The following ANKRD11 variants were observed in gnomAD, a reference collection of about 807,000 sequenced individuals.
ANKRD11 encodes the protein ankyrin repeat domain 11.
Under a neutral mutation model 195.7 loss-of-function variants are expected in ANKRD11, and 17 were observed. The ratio of observed to expected loss-of-function variants is 0.09; its 90% CI spans 0.06 to 0.13. The LOEUF is 0.13. Ranked by LOEUF, ANKRD11 falls within the 10% of genes least tolerant of loss-of-function variation. ANKRD11 has a pLI of 1.00. For missense variants in ANKRD11, 3,735 were observed against 3,566.1 expected, an observed-to-expected ratio of 1.05 and a Z score of -1.21; for synonymous variants, 1,953 against 1,528.1, an observed-to-expected ratio of 1.28 and a Z score of -6.49.
intron 1 of ANKRD11, among the ~76,000 whole-genome samples, chr16:89,449,023 C>A (rs1359157981): frequency 1.3e-5 from 2 of 152,062 alleles, no homozygotes; most frequent in African/African-American, 4.8e-5. Flanking sequence ...CTTCAAATCA[C>A]ACATGAAAAA....
intron 4 of ANKRD11, among the ~76,000 whole-genome samples, chr16:89,298,622 G>A (rs1390427354): frequency 6.6e-6 from 1 of 152,218 alleles, no homozygotes; most frequent in Non-Finnish European, 1.5e-5. Context: ...AAATCGCTGA[G>A]CCTCGGGTGG....
At chr16:89,459,673 T>C (rs760117005) in intron 1 of ANKRD11, among the ~76,000 whole-genome samples, 1 of 152,046 alleles carries the variant, frequency 6.6e-6, no homozygotes, top group Non-Finnish European at 1.5e-5. Context: ...TTTAAAAAAA[T>C]AAAATTCAGG....
intron 2 of ANKRD11, among the ~76,000 whole-genome samples, chr16:89,333,083 G>A (rs894986822): frequency 1.3e-5 from 2 of 152,194 alleles, no homozygotes; most frequent in South Asian, 2.1e-4. Flanking sequence ...GCAGAAAAAC[G>A]CCTGCCCCCT....
chr16:89,271,167 T>C (rs968965501), intron 11 of ANKRD11: 4 of 522,386 alleles, frequency 7.7e-6, no homozygotes, highest in Admixed American at 2.9e-5. Flanking sequence ...AGGCCCCACC[T>C]GTGAGCCGGT....
At chr16:89,422,517 A>G (rs1303347680) in intron 1 of ANKRD11, among the ~76,000 whole-genome samples, 54 of 152,214 alleles carry the variant, frequency 3.5e-4, no homozygotes, top group Non-Finnish European at 1.0e-4. Context: ...ACTATGGGTC[A>G]GTAATAAACA....
intron 2 of ANKRD11, among the ~76,000 whole-genome samples, chr16:89,415,468 G>A (rs1281548877): frequency 5.4e-5 from 8 of 147,370 alleles, no homozygotes; most frequent in Admixed American, 1.4e-4. Flanking sequence ...GTTTCACCGT[G>A]TTAGCCAGGA....
At chr16:89,408,048 G>A (rs1251083926) in intron 2 of ANKRD11, among the ~76,000 whole-genome samples, 1 of 152,106 alleles carries the variant, frequency 6.6e-6, no homozygotes, top group Admixed American at 6.5e-5. Flanking sequence ...TAGTGCCCCT[G>A]CCCTCAAGCT....
intron 11 of ANKRD11, among the ~76,000 whole-genome samples, chr16:89,274,524 G>A (rs557511224): frequency 3.9e-5 from 6 of 152,210 alleles, no homozygotes; most frequent in Non-Finnish European, 7.3e-5. Context: ...GTAGGGGCAG[G>A]TGCTCCAACT....
Position 89,281,402 on chromosome 16 carries a change from T to G in ANKRD11, c.5140A>C (p.Ser1714Arg), listed in dbSNP as rs781661922. 35 of 1,608,800 alleles carry G rather than the reference T, an allele frequency of 2.2e-5. No homozygotes were observed. Among genetic ancestry groups the G allele is most frequent in the Non-Finnish European group, 2.6e-5 (31 of 1,176,190 alleles). The stretch of plus-strand genomic sequence containing the variant: ...GGCGTGTGCATCACCTCCTCGTAGC[T>G]GGGGCAGGATAGCACCGACGTAGGG... ...PTPTSVLSCP[S>R]YEEVMHTPRT... The change falls in exon 9 of 13, where the codon AGC becomes CGC. Residue 1714 changes from serine to arginine, a missense_variant. Coordinates refer to ENST00000301030, the MANE Select transcript of ANKRD11 (RefSeq NM_013275.6). This position sits in a 1 kb window ranked among gnomAD's most constrained non-coding sequence, Gnocchi z 5.5.
intron 2 of ANKRD11, among the ~76,000 whole-genome samples, chr16:89,377,263 A>G (rs1338580994): frequency 2.0e-5 from 3 of 152,182 alleles, no homozygotes; most frequent in South Asian, 2.1e-4. Context: ...AGGACTGTCA[A>G]CATGGGAGAG....
At chr16:89,446,725 A>G (rs943531191) in intron 1 of ANKRD11, among the ~76,000 whole-genome samples, 1 of 152,150 alleles carries the variant, frequency 6.6e-6, no homozygotes, top group African/African-American at 2.4e-5. Context: ...TGACAGTGCC[A>G]CCAGCCACAG....
intron 1 of ANKRD11, among the ~76,000 whole-genome samples, chr16:89,488,440 G>GCCCC (rs145630401): frequency 5.5e-5 from 8 of 144,860 alleles, no homozygotes; most frequent in African/African-American, 1.8e-4. Flanking sequence ...CAAGACATCC[G>GCCCC]CCCCCCCCCC....
At chr16:89,315,044 A>C (rs2036863814) in intron 3 of ANKRD11, among the ~76,000 whole-genome samples, 1 of 152,056 alleles carries the variant, frequency 6.6e-6, no homozygotes, top group Non-Finnish European at 1.5e-5. Context: ...ACCCCCACCC[A>C]CATCACCCGT....
At chr16:89,329,206 G>A (rs2037915777) in intron 2 of ANKRD11, among the ~76,000 whole-genome samples, 1 of 152,232 alleles carries the variant, frequency 6.6e-6, no homozygotes, top group African/African-American at 2.4e-5. Flanking sequence ...GCTCATGTCT[G>A]TCGGTGGCTG....
intron 1 of ANKRD11, among the ~76,000 whole-genome samples, chr16:89,426,042 A>G (rs774007426): frequency 1.4e-4 from 21 of 152,200 alleles, no homozygotes; most frequent in Non-Finnish European, 2.9e-4. Context: ...GATAGGAATC[A>G]AACTCCTCTG....
intron 2 of ANKRD11, among the ~76,000 whole-genome samples, chr16:89,407,529 A>G (rs1304399829): frequency 1.3e-5 from 2 of 151,644 alleles, no homozygotes; most frequent in Non-Finnish European, 2.9e-5. Context: ...TAAGAAACAA[A>G]CTCCTTCTGG....
At chr16:89,289,699 A>G (rs2034898461) in intron 6 of ANKRD11, among the ~76,000 whole-genome samples, 1 of 152,182 alleles carries the variant, frequency 6.6e-6, no homozygotes. Flanking sequence ...AGGGGCCTGG[A>G]GTGAGGTTTA....
rs544252048 is a variant in ANKRD11, at chr16:89,324,133, C to G, written c.-59-7055G>C. 3.1e-5 allele frequency: 27 copies of G among 871,554 alleles called. 1 individual carries two copies. In the South Asian group the frequency reaches 4.8e-4, roughly 15 times the overall value. The allele number at this position is 871,554 out of a possible 1,614,324, so 54.0% of individuals were successfully genotyped here. ...CCAAAGTGCCCCACGGCACAACGCT[C>G]TCTACTGCAGCCCTGTTTCCACTCA... On this transcript the variant is annotated intron_variant, in intron 2 of 12. Transcript: ENST00000301030.
At chr16:89,476,621 G>A (rs1358038538) in intron 1 of ANKRD11, among the ~76,000 whole-genome samples, 6 of 152,170 alleles carry the variant, frequency 3.9e-5, no homozygotes, top group African/African-American at 1.4e-4. Flanking sequence ...GGCAGTTACA[G>A]ACACTGAGAC....
Sources: gnomAD v4.1 joint callset for allele counts (sites outside exome capture counted in the v4.1 genomes callset) on GRCh38, gnomAD v4.1.1 for gene constraint, Gnocchi (gnomAD v3.1) non-coding constraint, MANE v1.5 for transcripts, NCBI Gene and HGNC (gene_info 2026-07-23, HGNC 2026-07-21) for gene names.